Variants in ME1 observed in about 807,000 individuals in gnomAD.
The protein encoded by ME1 is NADP-dependent malic enzyme.
Under a neutral mutation model 66.4 loss-of-function variants are expected in ME1, and 74 were observed. The observed-to-expected ratio is 1.11, with a 90% confidence interval of 0.92 to 1.35. The LOEUF is 1.35. Ranked by LOEUF, ME1 falls within the 40% of genes most tolerant of loss-of-function variation. The pLI is 0.00. For missense variants in ME1, 750 were observed against 694.1 expected (o/e 1.08, Z -0.90); for synonymous variants, 251 against 235.6 (o/e 1.07, Z -0.60).
At chr6:83,341,181 T>A (rs372315853) in intron 5 of ME1, among the ~76,000 whole-genome samples, 21 of 152,266 alleles carry the variant, frequency 1.4e-4, no homozygotes, top group African/African-American at 5.1e-4. Flanking sequence ...AATAAAACTC[T>A]GAACAGTGGG....
chr6:83,398,596 A>C, intron 2 of ME1, 80 bp from the exon 3 acceptor site: 3 of 715,892 alleles, frequency 4.2e-6, no homozygotes, highest in Non-Finnish European at 6.8e-6. Context: ...AAATATTTTC[A>C]ACCAAGTATA....
intron 3 of ME1, among the ~76,000 whole-genome samples, chr6:83,359,470 G>T (rs977740890): frequency 6.6e-6 from 1 of 151,892 alleles, no homozygotes; most frequent in Admixed American, 6.6e-5. Context: ...GTTGTATCAG[G>T]CTGAATTTAT....
chr6:83,245,739 G>A (rs1790607096), intron 7 of ME1, among the ~76,000 whole-genome samples: 1 of 152,058 alleles, frequency 6.6e-6, no homozygotes, highest in South Asian at 2.1e-4. Context: ...ATTCTTCCAT[G>A]TTACATTCTT....
chr6:83,284,898 G>T (rs1235083593), intron 6 of ME1, among the ~76,000 whole-genome samples: 1 of 152,112 alleles, frequency 6.6e-6, no homozygotes, highest in East Asian at 1.9e-4. Flanking sequence ...TAGGAAAGAA[G>T]AAGTAAATAA....
chr6:83,425,443 A>G (rs2127698170), intron 1 of ME1, among the ~76,000 whole-genome samples: 1 of 152,316 alleles, frequency 6.6e-6, no homozygotes, highest in South Asian at 2.1e-4. Flanking sequence ...GGTAGGCCTC[A>G]GGAAACATAC....
intron 3 of ME1, among the ~76,000 whole-genome samples, chr6:83,392,169 G>C (rs1038036764): frequency 1.3e-5 from 2 of 151,902 alleles, no homozygotes; most frequent in African/African-American, 4.8e-5. Flanking sequence ...CTGCATCCCT[G>C]AGACACCATG....
intron 3 of ME1, among the ~76,000 whole-genome samples, chr6:83,355,388 A>G (rs190599628): frequency 8.7e-4 from 133 of 152,292 alleles, no homozygotes; most frequent in African/African-American, 3.1e-3. Context: ...GGTTTTCCAA[A>G]TAACACTGGT....
At chr6:83,380,113 C>T (rs1759055071) in intron 3 of ME1, among the ~76,000 whole-genome samples, 2 of 151,990 alleles carry the variant, frequency 1.3e-5, no homozygotes. Flanking sequence ...AGGGGTATAG[C>T]TGAAAGATAC....
chr6:83,311,881 C>T (rs1767937248), intron 6 of ME1, among the ~76,000 whole-genome samples: 1 of 152,022 alleles, frequency 6.6e-6, no homozygotes, highest in African/African-American at 2.4e-5. Context: ...AATCTTGCAT[C>T]CCTAGAGGCA....
intron 6 of ME1, among the ~76,000 whole-genome samples, chr6:83,301,400 T>C (rs1767718338): frequency 6.6e-6 from 1 of 151,774 alleles, no homozygotes; most frequent in African/African-American, 2.4e-5. Flanking sequence ...TAGAGTGCAG[T>C]GGCACAATCT....
chr6:83,223,930 G>T lies in ME1; in HGVS notation c.1279C>A (p.Arg427Ser). The change falls in exon 12 of 14, where the codon CGT (arginine) becomes AGT (serine). Residue 427 changes from arginine to serine, a missense_variant. By Grantham distance (110) the Arg-to-Ser change is moderately radical. Transcript: ENST00000369705. ...AEQCYKITKG[R>S]AIFASGSPFD... Reference sequence around the variant, plus strand: ...GGACTGCCACTGGCAAAAATTGCACGTCCCTACAACAAAGACACATACAAC... The same window carrying T: ...GGACTGCCACTGGCAAAAATTGCACTTCCCTACAACAAAGACACATACAAC... 6.2e-7 allele frequency: 1 copy of T among 1,613,408 alleles called. No homozygotes were observed. The highest frequency in any genetic ancestry group is 8.5e-7 in the Non-Finnish European group (1 of 1,179,640).
At chr6:83,366,880 G>A (rs1227419673) in intron 3 of ME1, among the ~76,000 whole-genome samples, 2 of 152,178 alleles carry the variant, frequency 1.3e-5, no homozygotes, top group Non-Finnish European at 2.9e-5. Context: ...AATCACAAAA[G>A]TTCTCAATGC....
At chr6:83,357,017 T>C (rs117250534) in intron 3 of ME1, among the ~76,000 whole-genome samples, 1,592 of 152,320 alleles carry the variant, frequency 0.01, 14 homozygotes, top group South Asian at 0.018. Flanking sequence ...CCTCAGTCTT[T>C]CCTTGACTTT....
intron 7 of ME1, among the ~76,000 whole-genome samples, chr6:83,248,450 T>C (rs1003859809): frequency 6.6e-6 from 1 of 152,138 alleles, no homozygotes; most frequent in Non-Finnish European, 1.5e-5. Context: ...CACTTTATCA[T>C]TATTATACAT....
At chr6:83,228,711 A>G (rs750846082) in intron 10 of ME1, 115 bp downstream of exon 10, 2 of 712,222 alleles carry the variant, frequency 2.8e-6, no homozygotes, top group South Asian at 3.7e-5. Context: ...CGCTTGAGCG[A>G]ACGTGTAGTT....
intron 6 of ME1, among the ~76,000 whole-genome samples, chr6:83,275,653 G>T (rs1356218620): frequency 6.7e-6 from 1 of 149,526 alleles, no homozygotes; most frequent in East Asian, 2.0e-4. Context: ...TTTTAGTAGA[G>T]ACGGGGTTTC....
At chr6:83,309,532 G>T (rs992489796) in intron 6 of ME1, among the ~76,000 whole-genome samples, 4 of 152,132 alleles carry the variant, frequency 2.6e-5, no homozygotes, top group African/African-American at 9.7e-5. Flanking sequence ...GCAGGGCTGG[G>T]AGTCAGTGGG....
At chr6:83,387,078 G>A (rs1309043727) in intron 3 of ME1, among the ~76,000 whole-genome samples, 1 of 152,048 alleles carries the variant, frequency 6.6e-6, no homozygotes, top group Non-Finnish European at 1.5e-5. Flanking sequence ...ATTAAAACTG[G>A]CTGTGAAACC....
intron 6 of ME1, among the ~76,000 whole-genome samples, chr6:83,280,552 T>C (rs886766840): frequency 6.6e-6 from 1 of 152,224 alleles, no homozygotes; most frequent in African/African-American, 2.4e-5. Flanking sequence ...CTTAAATGAA[T>C]TAACTTCTTA....
Sources: allele counts gnomAD v4.1 joint callset (sites outside exome capture counted in the v4.1 genomes callset), GRCh38; gene constraint gnomAD v4.1.1; transcripts MANE v1.5; gene names NCBI Gene and HGNC (gene_info 2026-07-23, HGNC 2026-07-21).